The following HMCN1 variants were observed in gnomAD, a reference collection of about 807,000 sequenced individuals.
HMCN1 encodes the protein hemicentin 1.
Under a neutral mutation model 625.9 loss-of-function variants are expected in HMCN1, and 321 were observed. The ratio of observed to expected loss-of-function variants is 0.51; its 90% CI spans 0.47 to 0.56. The LOEUF (loss-of-function observed/expected upper bound fraction) is 0.56, where lower values mean the gene tolerates loss of function less well. HMCN1 is among the 20% of genes least tolerant of loss of function. The pLI is 0.00. For synonymous variants in HMCN1, 2,425 were observed against 2,417.6 expected (o/e 1.00, Z -0.09); for missense variants, 6,588 against 6,887.3 (o/e 0.96, Z 1.54).
intron 68 of HMCN1, among the ~76,000 whole-genome samples, chr1:186,097,897 T>C (rs781414424): frequency 6.6e-6 from 1 of 152,078 alleles, no homozygotes; most frequent in Non-Finnish European, 1.5e-5. Flanking sequence ...AATAAATTCA[T>C]GCATCTACAG....
chr1:186,146,053 T>A, intron 93 of HMCN1, 130 bp downstream of exon 93: 1 of 909,398 alleles, frequency 1.1e-6, no homozygotes. Flanking sequence ...AGTGCTTTCT[T>A]GCTCCTAATT....
At chr1:185,803,219 AAAAAC>A (rs1263218838) in intron 1 of HMCN1, among the ~76,000 whole-genome samples, 1 of 146,432 alleles carries the variant, frequency 6.8e-6, no homozygotes, top group African/African-American at 2.7e-5. Context: ...AAAAAAAAAA[AAAAAC>A]AAAACAAGGA....
intron 1 of HMCN1, among the ~76,000 whole-genome samples, chr1:185,758,186 C>G (rs1013629612): frequency 6.6e-6 from 1 of 152,084 alleles, no homozygotes; most frequent in Admixed American, 6.5e-5. Flanking sequence ...TTTCTCAGCC[C>G]CATTATGTTT....
Position 185,924,931 on chromosome 1 carries a change from G to A in HMCN1, c.1286-116G>A. On this transcript the variant is annotated intron_variant, in intron 8 of 106. Coordinates refer to ENST00000271588, the MANE Select transcript of HMCN1 (RefSeq NM_031935.3). ...TGATCTGGGTTAATTGGAATGCAGA[G>A]GATTTACTGGAATAATTTAAGTATA... is the stretch of plus-strand genomic sequence containing the variant. The A allele has an allele frequency of 4.4e-6, 4 of 917,676 alleles. No individual in the cohort carries two copies. In the South Asian group the frequency reaches 5.7e-5, roughly 13 times the overall value. 56.8% of individuals were successfully genotyped at this position (917,676 alleles called of 1,614,324 possible). A position where few individuals can be genotyped will look rare whatever the true frequency, so the allele number is the denominator to read the frequency against.
At chr1:185,765,838 A>G (rs956862720) in intron 1 of HMCN1, among the ~76,000 whole-genome samples, 4 of 152,178 alleles carry the variant, frequency 2.6e-5, no homozygotes, top group African/African-American at 9.7e-5. Flanking sequence ...GTTCTAATCT[A>G]TGTGATCCTT....
intron 5 of HMCN1, among the ~76,000 whole-genome samples, chr1:185,911,386 T>C (rs751634114): frequency 1.3e-5 from 2 of 152,188 alleles, no homozygotes; most frequent in Non-Finnish European, 2.9e-5. Flanking sequence ...TTCCAATGCC[T>C]GGACACCTTA....
chr1:186,005,736 GCTTA>G (rs1299593741), intron 29 of HMCN1, among the ~76,000 whole-genome samples: 1 of 152,050 alleles, frequency 6.6e-6, no homozygotes, highest in African/African-American at 2.4e-5. Flanking sequence ...TCATCATAAT[GCTTA>G]CTTTTTTGTT....
intron 68 of HMCN1, among the ~76,000 whole-genome samples, chr1:186,101,809 T>A (rs1357799654): frequency 6.6e-6 from 1 of 151,744 alleles, no homozygotes; most frequent in African/African-American, 2.4e-5. Context: ...GTAAGAGGAG[T>A]AAATAATTGA....
intron 4 of HMCN1, among the ~76,000 whole-genome samples, chr1:185,870,323 C>T (rs1380744503): frequency 6.6e-6 from 1 of 152,050 alleles, no homozygotes; most frequent in East Asian, 1.9e-4. Context: ...AAGAAAAAGT[C>T]CAAGTTGGAA....
At chr1:185,960,875 C>T (rs2102554385) in intron 11 of HMCN1, among the ~76,000 whole-genome samples, 1 of 152,306 alleles carries the variant, frequency 6.6e-6, no homozygotes, top group South Asian at 2.1e-4. Context: ...TGAAGATTAT[C>T]TGCATCATCC....
chr1:185,852,589 C>T (rs1313618164), intron 2 of HMCN1, among the ~76,000 whole-genome samples: 1 of 136,644 alleles, frequency 7.3e-6, no homozygotes, highest in East Asian at 2.0e-4. Flanking sequence ...CACACACACA[C>T]ACACACACAC....
At chr1:186,017,580 T>C (rs995135084) in intron 33 of HMCN1, among the ~76,000 whole-genome samples, 7 of 151,958 alleles carry the variant, frequency 4.6e-5, no homozygotes, top group Non-Finnish European at 8.8e-5. Flanking sequence ...AGTTAGTCAG[T>C]GAAGGAAATG....
chr1:185,989,488 A>G lies in HMCN1; in HGVS notation c.3049A>G (p.Lys1017Glu). Residue 1017 changes from lysine (K) to glutamate (E), a missense_variant and splice_region_variant, in exon 21 of 107, where the codon AAA (lysine) becomes GAA (glutamate). This residue lies in a region of HMCN1 where 4,628 missense variants were observed against 4,853.1 expected (regional missense o/e 0.95). Coordinates refer to ENST00000271588, the MANE Select transcript of HMCN1 (RefSeq NM_031935.3). ...CTTTGCTTTTCGCCGTGTTTTGCAGAAAGGAGAGCTGATTTCAACCAGCAG... is the reference window on the plus strand; with the variant it reads ...CTTTGCTTTTCGCCGTGTTTTGCAGGAAGGAGAGCTGATTTCAACCAGCAG... ...NPKPSVIWSK[K>E]GELISTSSAK... The G allele has an allele frequency of 3.1e-6, 5 of 1,613,958 alleles. No homozygotes were observed. Among genetic ancestry groups the G allele is most frequent in the Non-Finnish European group, 4.2e-6 (5 of 1,179,984 alleles).
chr1:185,793,636 G>T (rs1658151873), intron 1 of HMCN1, among the ~76,000 whole-genome samples: 1 of 152,160 alleles, frequency 6.6e-6, no homozygotes, highest in South Asian at 2.1e-4. Flanking sequence ...CTAAATCGTT[G>T]AATTGTTTTA....
intron 4 of HMCN1, among the ~76,000 whole-genome samples, chr1:185,894,672 A>G (rs566382460): frequency 2.9e-4 from 44 of 152,130 alleles, no homozygotes; most frequent in Admixed American, 1.6e-3. Flanking sequence ...TGTCTTTTTC[A>G]TTTTAGCCAT....
intron 57 of HMCN1, among the ~76,000 whole-genome samples, chr1:186,085,898 G>A (rs562217957): frequency 4.5e-4 from 68 of 152,072 alleles, no homozygotes; most frequent in African/African-American, 1.5e-3. Flanking sequence ...CAGCACTTAA[G>A]TAAAAATAAA....
chr1:185,938,327 G>A (rs1032222925), intron 11 of HMCN1, among the ~76,000 whole-genome samples: 1 of 152,150 alleles, frequency 6.6e-6, no homozygotes, highest in Non-Finnish European at 1.5e-5. Context: ...CTAGTAGGAA[G>A]AATCTGCTCA....
intron 34 of HMCN1, among the ~76,000 whole-genome samples, chr1:186,018,854 A>G (rs1056590357): frequency 6.6e-6 from 1 of 152,058 alleles, no homozygotes; most frequent in Non-Finnish European, 1.5e-5. Context: ...GATTATAACC[A>G]TTACTCTAAC....
At chr1:186,128,551 C>T (rs1470981716) in intron 83 of HMCN1, among the ~76,000 whole-genome samples, 1 of 151,922 alleles carries the variant, frequency 6.6e-6, no homozygotes, top group Non-Finnish European at 1.5e-5. Flanking sequence ...ATTCCCCTTA[C>T]CCCATGAGAA....
Sources: gnomAD v4.1 joint callset for allele counts (sites outside exome capture counted in the v4.1 genomes callset) on GRCh38, gnomAD v4.1.1 for gene constraint, gnomAD v4.1.1 regional missense constraint, MANE v1.5 for transcripts, NCBI Gene and HGNC (gene_info 2026-07-23, HGNC 2026-07-21) for gene names.